Variants in ANTXRL observed in about 807,000 individuals in gnomAD.
ANTXRL encodes the protein anthrax toxin receptor-like.
In ANTXRL, 63 loss-of-function variants were observed where a neutral mutation model predicts 75.4. The observed-to-expected ratio is 0.84, with a 90% CI of 0.68 to 1.03. ANTXRL has a LOEUF of 1.03. Among genes scored for constraint, ANTXRL ranks in the 50% least tolerant of loss-of-function variants. The pLI, the probability that ANTXRL is intolerant of heterozygous loss-of-function variation, is 0.00. For synonymous variants in ANTXRL, 335 were observed against 291.3 expected, an observed-to-expected ratio of 1.15 and a Z score of -1.53; for missense variants, 797 against 789.4, an observed-to-expected ratio of 1.01 and a Z score of -0.12.
Position 46,307,423 on chromosome 10 carries a change from C to T in ANTXRL, c.987C>T (p.Ser329=), listed in dbSNP as rs1554962196. Residue 329 remains serine, a synonymous_variant, in exon 12 of 17, where the codon AGC becomes AGT. Transcript: ENST00000620264. Reference sequence around the variant, plus strand: ...TTAGGGAGTACTCTATTGAAGTCAGCTTGAACAAAGGCAAAACATTCTTCA... The same window carrying T: ...TTAGGGAGTACTCTATTGAAGTCAGTTTGAACAAAGGCAAAACATTCTTCA... ...KPGEEYSIEV[S]LNKGKTFFKS... is the part of the protein sequence containing the mutation. 1 of 1,536,192 alleles carries T rather than the reference C, an allele frequency of 6.5e-7. No homozygotes were observed. The highest frequency in any genetic ancestry group is 2.4e-5 in the East Asian group (1 of 40,924).
chr10:46,326,748 G>A (rs1202618021), intron 16 of ANTXRL, among the ~76,000 whole-genome samples: 1 of 152,134 alleles, frequency 6.6e-6, no homozygotes, highest in Non-Finnish European at 1.5e-5. Context: ...CAGTCGGCTT[G>A]TGGTCAGGAG....
intron 9 of ANTXRL, among the ~76,000 whole-genome samples, chr10:46,302,424 C>G (rs1837808494): frequency 1.3e-5 from 2 of 152,270 alleles, no homozygotes; most frequent in Middle Eastern, 3.4e-3. Context: ...GGCAGGAATA[C>G]CACTCTGAGC....
rs1565008739 is a variant in ANTXRL, at chr10:46,287,377, AT to A, written c.116del (p.Ile39AsnfsTer49). On this transcript the variant is annotated frameshift_variant, in exon 1 of 17. Transcript: ENST00000620264. LOFTEE classifies it high-confidence loss of function. Reference protein sequence around the residue: ...SLRYHGPDWRIFHRLALGSRR... With the variant: ...SLRYHGPDWRXFHRLALGSRR... Reference sequence around the variant, plus strand: ...TCGGTACCATGGACCTGACTGGAGAATATTTCACCGCCTGGCCCTGGGCTCC... The same window carrying A: ...TCGGTACCATGGACCTGACTGGAGAAATTTCACCGCCTGGCCCTGGGCTCC... 1.2e-5 allele frequency: 19 copies of A among 1,536,004 alleles called. No homozygotes were observed. Among genetic ancestry groups the A allele is most frequent in the Non-Finnish European group, 1.7e-5 (19 of 1,146,766 alleles).
chr10:46,291,660 G>T (rs1554956519), intron 1 of ANTXRL, among the ~76,000 whole-genome samples: 1 of 151,982 alleles, frequency 6.6e-6, no homozygotes, highest in Non-Finnish European at 1.5e-5. Flanking sequence ...ATTTTGTTCT[G>T]TTTGATGCTA....
intron 1 of ANTXRL, among the ~76,000 whole-genome samples, chr10:46,289,281 C>G (rs1836887029): frequency 6.6e-6 from 1 of 152,158 alleles, no homozygotes; most frequent in African/African-American, 2.4e-5. Flanking sequence ...GGAATGACCC[C>G]TTGTATTTTT....
intron 11 of ANTXRL, 76 bp downstream of exon 11, chr10:46,306,948 G>A (rs1229212573): frequency 2.4e-5 from 30 of 1,233,210 alleles, no homozygotes; most frequent in Non-Finnish European, 2.9e-5. Context: ...TGTACAAAAT[G>A]TGGATGCCCC....
At chr10:46,293,537 G>A (rs1394354039) in intron 2 of ANTXRL, among the ~76,000 whole-genome samples, 1 of 142,042 alleles carries the variant, frequency 7.0e-6, no homozygotes, top group Non-Finnish European at 1.5e-5. Flanking sequence ...GTGTGTGCAT[G>A]TGTGTGCATA....
chr10:46,294,822 C>G (rs1292845479), intron 3 of ANTXRL, among the ~76,000 whole-genome samples: 1 of 130,120 alleles, frequency 7.7e-6, no homozygotes, highest in Admixed American at 7.8e-5. Context: ...GCCTCCTCCC[C>G]TCCTGGGCTG....
At chr10:46,322,525 TC>T (rs1839031003) in intron 16 of ANTXRL, among the ~76,000 whole-genome samples, 1 of 152,092 alleles carries the variant, frequency 6.6e-6, no homozygotes, top group African/African-American at 2.4e-5. Flanking sequence ...TTTATTGTTT[TC>T]CCAGGATTAT....
Position 46,306,506 on chromosome 10 carries a change from A to G in ANTXRL, c.896-297A>G, listed in dbSNP as rs146143383. 6.0e-3 allele frequency among the ~76,000 whole-genome samples: 916 copies of G among 151,990 alleles called. 10 individuals are homozygous for G. The highest frequency in any genetic ancestry group is 0.021 in the African/African-American group (873 of 41,300). On this transcript the variant is annotated intron_variant, in intron 10 of 16. Transcript: ENST00000620264. ...CCTCTGGTCATGGACATCACAGCAC[A>G]TTGCACTCTCTGTCATCTGTTTTGT...
intron 7 of ANTXRL, 56 bp from the exon 8 acceptor site, chr10:46,297,775 G>A (rs1309325788): frequency 1.4e-6 from 2 of 1,440,642 alleles, no homozygotes; most frequent in East Asian, 2.5e-5. Flanking sequence ...TGGGCCGGGG[G>A]TCTGCTGCAT....
chr10:46,328,088 C>T (rs1839314309), intron 16 of ANTXRL, among the ~76,000 whole-genome samples: 2 of 152,106 alleles, frequency 1.3e-5, no homozygotes, highest in Non-Finnish European at 2.9e-5. Flanking sequence ...GGACAGGGCA[C>T]TTCCCACAAT....
At chr10:46,308,663 A>G (rs1353453551) in intron 12 of ANTXRL, 1 of 347,376 alleles carries the variant, frequency 2.9e-6, no homozygotes, top group East Asian at 8.0e-5. Flanking sequence ...TTCCCTTTGC[A>G]CAGGTGTGGA....
chr10:46,304,063 TTG>T lies in ANTXRL; in HGVS notation c.895+1248_895+1249del, dbSNP rs1837919531. Among the ~76,000 whole-genome samples, 11 of 152,258 alleles carry T rather than the reference TTG, an allele frequency of 7.2e-5. 1 individual carries two copies. In the South Asian group the frequency reaches 2.3e-3, roughly 32 times the overall value. On this transcript the variant is annotated intron_variant, in intron 10 of 16. Coordinates refer to ENST00000620264, the MANE Select transcript of ANTXRL (RefSeq NM_001278688.3). ...ATCCCCACATTCCCACTCATCAGCATTGTGTGGATGGTCTCAGGGAATTCAGT... is the reference window on the plus strand; with the variant it reads ...ATCCCCACATTCCCACTCATCAGCATTGTGGATGGTCTCAGGGAATTCAGT...
At chr10:46,311,794 C>T (rs1838443931) in intron 15 of ANTXRL, 129 bp downstream of exon 15, 1 of 561,106 alleles carries the variant, frequency 1.8e-6, no homozygotes, top group South Asian at 2.3e-5. Context: ...GGACTTTGGA[C>T]ACTTGATGTC....
chr10:46,314,955 A>G (rs1190771679), intron 16 of ANTXRL, among the ~76,000 whole-genome samples: 3 of 151,994 alleles, frequency 2.0e-5, no homozygotes, highest in African/African-American at 7.3e-5. Context: ...ACCTAATTTG[A>G]CCTTGTGCTT....
intron 13 of ANTXRL, among the ~76,000 whole-genome samples, chr10:46,309,682 C>T (rs542239839): frequency 1.4e-5 from 2 of 146,170 alleles, no homozygotes; most frequent in East Asian, 4.0e-4. Context: ...CGGCACATGT[C>T]TAGTTCCTTC....
chr10:46,310,244 G>A (rs373124269), intron 13 of ANTXRL, among the ~76,000 whole-genome samples: 2 of 152,100 alleles, frequency 1.3e-5, no homozygotes, highest in East Asian at 1.9e-4. Context: ...ACCCCACAGC[G>A]GCGGTACAGG....
chr10:46,327,830 G>C (rs1839299600), intron 16 of ANTXRL, among the ~76,000 whole-genome samples: 1 of 152,134 alleles, frequency 6.6e-6, no homozygotes, highest in South Asian at 2.1e-4. Context: ...CAGCCGGGAA[G>C]GGTGGCCTTG....
Sources: gnomAD v4.1 joint callset for allele counts (sites outside exome capture counted in the v4.1 genomes callset) on GRCh38, gnomAD v4.1.1 for gene constraint, MANE v1.5 for transcripts, NCBI Gene and HGNC (gene_info 2026-07-23, HGNC 2026-07-21) for gene names.